Variants in CCDC106 observed in about 807,000 individuals in gnomAD.
CCDC106 encodes coiled-coil domain containing 106.
In CCDC106, 17 loss-of-function variants were observed where a neutral mutation model predicts 24.7. That is an observed-to-expected ratio of 0.69 (90% confidence interval 0.47 to 1.03). The LOEUF (loss-of-function observed/expected upper bound fraction) is 1.03. Ranked by LOEUF, CCDC106 falls within the 50% of genes least tolerant of loss-of-function variation. The probability of loss-of-function intolerance (pLI) is 0.00; values close to 1 mark genes in which losing one functional copy is unlikely to be tolerated. For synonymous variants in CCDC106, 211 were observed against 161.3 expected, an observed-to-expected ratio of 1.31 and a Z score of -2.34; for missense variants, 337 against 388.9, an observed-to-expected ratio of 0.87 and a Z score of 1.12.
Position 55,652,636 on chromosome 19 carries a change from G to C in CCDC106, c.733G>C (p.Glu245Gln). Reference sequence around the variant, plus strand: ...CGACCCCTCCAAGGAGCGCCTGCTCGAGTACTCCCGCCGCTGCTTTCTGGC... The same window carrying C: ...CGACCCCTCCAAGGAGCGCCTGCTCCAGTACTCCCGCCGCTGCTTTCTGGC... The part of the protein sequence containing the change: ...EFDPSKERLL[E>Q]YSRRCFLALD... The change falls in exon 5 of 5, where the codon GAG becomes CAG. Residue 245 changes from glutamate (E) to glutamine (Q), a missense_variant. Transcript: ENST00000586790. This position sits in a 1 kb window ranked among gnomAD's most constrained non-coding sequence, Gnocchi z 5.9. 1 of 1,612,716 alleles carries C rather than the reference G, an allele frequency of 6.2e-7. No homozygotes were observed. The highest frequency in any genetic ancestry group is 8.5e-7 in the Non-Finnish European group (1 of 1,179,874).
At chr19:55,650,325 C>T (rs1356474974) in intron 3 of CCDC106, among the ~76,000 whole-genome samples, 4 of 152,164 alleles carry the variant, frequency 2.6e-5, no homozygotes, top group Admixed American at 2.6e-4. Flanking sequence ...CAGCTAGCGT[C>T]TTCTCTTGAC....
chr19:55,652,365 C>T lies in CCDC106; in HGVS notation c.527-65C>T. ...TTTCTTCCCATGGCCGTTTCCCTTC[C>T]CGTGTCCGCCCCCTCAGTCTTGTGC... On this transcript the variant is annotated intron_variant, in intron 4 of 4. Coordinates refer to ENST00000586790, the MANE Select transcript of CCDC106 (RefSeq NM_001370470.1). This position sits in a 1 kb window ranked among gnomAD's most constrained non-coding sequence, Gnocchi z 5.9. The T allele has an allele frequency of 1.4e-6, 2 of 1,407,894 alleles. No homozygotes were observed. The highest frequency in any genetic ancestry group is 2.3e-5 in the East Asian group (1 of 43,200). The allele number at this position is 1,407,894 out of a possible 1,614,324, so 87.2% of individuals were successfully genotyped here. A position where few individuals can be genotyped will look rare whatever the true frequency, so the allele number is the denominator to read the frequency against.
In CCDC106 at chr19:55,648,360, C is replaced by G. The variant is rs918963517; in HGVS notation, c.-687C>G. The G allele has an allele frequency of 1.3e-5, 2 of 152,114 alleles. No homozygotes were observed. Among genetic ancestry groups the G allele is most frequent in the Non-Finnish European group, 2.9e-5 (2 of 67,980 alleles). The allele number at this position is 152,114 out of a possible 1,614,324, so 9.4% of individuals were successfully genotyped here. ...TGGTGGCCGCGTTTGCACCCCCGCC[C>G]TAGTGCATGTTCCCGCTGGAATCGT... On this transcript the variant is annotated 5_prime_UTR_variant, in exon 1 of 5. Coordinates refer to ENST00000586790, the MANE Select transcript of CCDC106 (RefSeq NM_001370470.1).
chr19:55,651,747 C>T (rs758130083), intron 4 of CCDC106, among the ~76,000 whole-genome samples: 8 of 152,034 alleles, frequency 5.3e-5, no homozygotes, highest in Non-Finnish European at 7.4e-5. Context: ...CTGGAATCTC[C>T]GCCTCCCGGG....
In CCDC106 at chr19:55,652,775, G is replaced by T; in HGVS notation, c.*29G>T. On this transcript the variant is annotated 3_prime_UTR_variant, in exon 5 of 5. Coordinates refer to ENST00000586790, the MANE Select transcript of CCDC106 (RefSeq NM_001370470.1). The surrounding 1 kb of genome is among the most constrained non-coding windows in gnomAD (Gnocchi z 5.9). Reference sequence around the variant, plus strand: ...CACCACGCCTCCGCGCCTCCACCCGGGCCTTCCTCCCCCGTGGACCCCGGT... The same window carrying T: ...CACCACGCCTCCGCGCCTCCACCCGTGCCTTCCTCCCCCGTGGACCCCGGT... 1 of 1,575,784 alleles carries T rather than the reference G, an allele frequency of 6.3e-7. No homozygotes were observed. The highest frequency in any genetic ancestry group is 8.6e-7 in the Non-Finnish European group (1 of 1,158,420).
At chr19:55,650,442 C>T (rs1425298374) in intron 3 of CCDC106, among the ~76,000 whole-genome samples, 1 of 151,894 alleles carries the variant, frequency 6.6e-6, no homozygotes, top group Non-Finnish European at 1.5e-5. Flanking sequence ...AGAACCCACA[C>T]TCTACCCCAC....
intron 4 of CCDC106, among the ~76,000 whole-genome samples, chr19:55,651,899 T>C (rs1306291916): frequency 6.6e-6 from 1 of 152,148 alleles, no homozygotes. Context: ...CCTGCCCTCG[T>C]GATCCACCTG....
intron 4 of CCDC106, 120 bp downstream of exon 4, chr19:55,651,615 G>C (rs568601269): frequency 1.1e-4 from 78 of 687,216 alleles, no homozygotes; most frequent in Non-Finnish European, 9.8e-6. Context: ...AAGACCCACC[G>C]GGTTCTGTCT....
rs1983426223 is a variant in CCDC106, at chr19:55,652,884, G to A, written c.*138G>A. On this transcript the variant is annotated 3_prime_UTR_variant, in exon 5 of 5. Coordinates refer to ENST00000586790, the MANE Select transcript of CCDC106 (RefSeq NM_001370470.1). This position sits in a 1 kb window ranked among gnomAD's most constrained non-coding sequence, Gnocchi z 5.9. ...GGGGCTCCCTTAGCCGGGCCCCCAAGCGCGACGGCCCCGGACCGGCCGCGG... is the reference window on the plus strand; with the variant it reads ...GGGGCTCCCTTAGCCGGGCCCCCAAACGCGACGGCCCCGGACCGGCCGCGG... 3 of 760,610 alleles carry A rather than the reference G, an allele frequency of 3.9e-6. No homozygotes were observed. Among genetic ancestry groups the A allele is most frequent in the Non-Finnish European group, 4.1e-6 (2 of 483,242 alleles). The allele number at this position is 760,610 out of a possible 1,614,324, so 47.1% of individuals were successfully genotyped here.
Position 55,652,445 on chromosome 19 carries a change from G to A in CCDC106, c.542G>A (p.Gly181Glu). Residue 181 changes from glycine to glutamate, a missense_variant, in exon 5 of 5, where the codon GGG becomes GAG. Gly to Glu is a moderately conservative substitution (Grantham distance 98). Around this residue, in one of 2 missense-constraint regions of CCDC106, gnomAD observed 103 missense variants for 152.4 expected, o/e 0.68. Coordinates refer to ENST00000586790, the MANE Select transcript of CCDC106 (RefSeq NM_001370470.1). The surrounding 1 kb of genome is among the most constrained non-coding windows in gnomAD (Gnocchi z 5.9). ...CACCCCTCAGTGAAGGACGCCGACG[G>A]GGTCCTCTGCCGGTACAAGAAGATC... ...RERQRVKDADGVLCRYKKILG... is the reference protein window; with the variant it reads ...RERQRVKDADEVLCRYKKILG... 6.2e-7 allele frequency: 1 copy of A among 1,601,338 alleles called. No individual in the cohort carries two copies. The highest frequency in any genetic ancestry group is 8.5e-7 in the Non-Finnish European group (1 of 1,170,884).
chr19:55,647,844 T>C (rs985683342), upstream of CCDC106, among the ~76,000 whole-genome samples: 1 of 151,906 alleles, frequency 6.6e-6, no homozygotes, highest in Non-Finnish European at 1.5e-5. Flanking sequence ...GCTCCAACTT[T>C]CTCGGTGTCT....
chr19:55,649,648 G>T, intron 3 of CCDC106, 64 bp downstream of exon 3: 1 of 1,480,064 alleles, frequency 6.8e-7, no homozygotes, highest in Non-Finnish European at 9.3e-7. Context: ...CGCTCACCCA[G>T]ACTCAAGGCT....
chr19:55,649,192 C>T lies in CCDC106; in HGVS notation c.32-13C>T, dbSNP rs758004177. 5 of 1,612,344 alleles carry T rather than the reference C, an allele frequency of 3.1e-6. No homozygotes were observed. The East Asian group carries it at 6.7e-5, about 22-fold the overall frequency. On this transcript the variant is annotated splice_polypyrimidine_tract_variant and intron_variant, in intron 1 of 4. Transcript: ENST00000586790. Reference sequence around the variant, plus strand: ...GGAATTCTCTGGGGTAACCCGGGGCCTCTCCTCTCCAGTGAAGGACGATGA... The same window carrying T: ...GGAATTCTCTGGGGTAACCCGGGGCTTCTCCTCTCCAGTGAAGGACGATGA...
chr19:55,649,400 G>C lies in CCDC106; in HGVS notation c.137-8G>C. The C allele has an allele frequency of 6.2e-7, 1 of 1,613,956 alleles. No homozygotes were observed. Among genetic ancestry groups the C allele is most frequent in the Non-Finnish European group, 8.5e-7 (1 of 1,179,918 alleles). ...GACCTGGTCCCCCCACCCTCGCTGT[G>C]TCCCTAGAGCCTCCGGAGGCTGCGT... is the stretch of plus-strand genomic sequence containing the variant. On this transcript the variant is annotated splice_polypyrimidine_tract_variant and splice_region_variant and intron_variant, in intron 2 of 4. Coordinates refer to ENST00000586790, the MANE Select transcript of CCDC106 (RefSeq NM_001370470.1).
intron 4 of CCDC106, 70 bp downstream of exon 4, chr19:55,651,565 G>A (rs1354417817): frequency 8.9e-7 from 1 of 1,122,090 alleles, no homozygotes; most frequent in East Asian, 2.6e-5. Context: ...CTTCCCAGAG[G>A]TCCCCCTTTC....
At chr19:55,650,041 G>A (rs887050927) in intron 3 of CCDC106, among the ~76,000 whole-genome samples, 37 of 151,938 alleles carry the variant, frequency 2.4e-4, no homozygotes, top group Non-Finnish European at 3.8e-4. Flanking sequence ...CCAGCCATCC[G>A]GCCTCCTCCT....
intron 4 of CCDC106, among the ~76,000 whole-genome samples, 160 bp downstream of exon 4, chr19:55,651,655 ACTTT>A (rs993878437): frequency 8.1e-5 from 12 of 147,302 alleles, no homozygotes; most frequent in Admixed American, 2.7e-4. Context: ...TCCTGGGTTT[ACTTT>A]CTTTTTTTTT....
upstream of CCDC106, among the ~76,000 whole-genome samples, chr19:55,647,553 G>T (rs1433965863): frequency 6.6e-6 from 1 of 152,198 alleles, no homozygotes; most frequent in African/African-American, 2.4e-5. Context: ...ATTTAGAAGG[G>T]CTTGTAATTT....
At chr19:55,650,007 C>T (rs952028292) in intron 3 of CCDC106, among the ~76,000 whole-genome samples, 2 of 152,206 alleles carry the variant, frequency 1.3e-5, no homozygotes, top group African/African-American at 4.8e-5. Flanking sequence ...CCTCCCGTCC[C>T]TGTCTTCTCC....
Sources: allele counts gnomAD v4.1 joint callset (sites outside exome capture counted in the v4.1 genomes callset), GRCh38; gene constraint gnomAD v4.1.1; regional missense constraint gnomAD v4.1.1; non-coding constraint Gnocchi (gnomAD v3.1); transcripts MANE v1.5; gene names NCBI Gene and HGNC (gene_info 2026-07-23, HGNC 2026-07-21).